The following GMDS variants were observed in gnomAD, a reference collection of about 807,000 sequenced individuals.
The protein encoded by GMDS is GDP-mannose 4,6 dehydratase.
GMDS carries 20 observed loss-of-function variants against 49.9 expected under a neutral mutation model. That is an observed-to-expected ratio of 0.40 (90% CI 0.28 to 0.58). The LOEUF (loss-of-function observed/expected upper bound fraction) is 0.58, where lower values mean the gene tolerates loss of function less well. Ranked by LOEUF, GMDS falls within the 20% of genes least tolerant of loss-of-function variation. The pLI, the probability that GMDS is intolerant of heterozygous loss-of-function variation, is 0.42. For missense variants in GMDS, 362 were observed against 481.4 expected, an observed-to-expected ratio of 0.75 and a Z score of 2.32; for synonymous variants, 177 against 178.6, an observed-to-expected ratio of 0.99 and a Z score of 0.07.
chr6:1,898,118 ATCCTGGACACCTACCCTGGCCT>A (rs1242639406), intron 7 of GMDS, among the ~76,000 whole-genome samples: 7,328 of 134,480 alleles, frequency 0.054, 588 homozygotes, highest in Admixed American at 0.065. Context: ...CTCCCTTGCC[ATCCTGGACACCTACCCTGGCCT>A]CCCTTGCCAT....
intron 7 of GMDS, among the ~76,000 whole-genome samples, chr6:1,889,113 A>G (rs1447918765): frequency 6.6e-6 from 1 of 152,164 alleles, no homozygotes; most frequent in Non-Finnish European, 1.5e-5. Context: ...GAATCCATGG[A>G]TGCGGAACGT....
At chr6:1,961,544 C>T (rs7743218) in intron 4 of GMDS, among the ~76,000 whole-genome samples, 4,645 of 152,196 alleles carry the variant, frequency 0.031, 236 homozygotes, top group African/African-American at 0.11. Flanking sequence ...ATATATGAAC[C>T]AATTTCTAAG....
chr6:1,983,689 T>C (rs1462299161), intron 4 of GMDS, among the ~76,000 whole-genome samples: 1 of 152,056 alleles, frequency 6.6e-6, no homozygotes, highest in African/African-American at 2.4e-5. Context: ...CTCATGCCAG[T>C]CCAAAAGGCT....
rs556406542 is a variant in GMDS at position 2,163,181 on chromosome 6, C to G, written c.103-38450G>C. Reference sequence around the variant, plus strand: ...GCCCAGGTGACAATAATAAACTGTCCTAACAGTGAACAGGGACTATAAAAA... The same window carrying G: ...GCCCAGGTGACAATAATAAACTGTCGTAACAGTGAACAGGGACTATAAAAA... On this transcript the variant is annotated intron_variant, in intron 1 of 10. Coordinates refer to ENST00000380815, the MANE Select transcript of GMDS (RefSeq NM_001500.4). Among the ~76,000 whole-genome samples, 5 of 152,216 alleles carry G rather than the reference C, an allele frequency of 3.3e-5. No homozygotes were observed. In the South Asian group the frequency reaches 1.0e-3, roughly 32 times the overall value.
intron 4 of GMDS, among the ~76,000 whole-genome samples, chr6:2,025,334 T>C (rs1437549766): frequency 2.0e-5 from 3 of 150,240 alleles, no homozygotes; most frequent in Non-Finnish European, 4.4e-5. Flanking sequence ...TCAAAACTAT[T>C]AGTTCTGTAA....
chr6:1,636,949 C>T (rs752487827), intron 9 of GMDS, among the ~76,000 whole-genome samples: 2 of 152,306 alleles, frequency 1.3e-5, no homozygotes, highest in African/African-American at 2.4e-5. Context: ...AGAACTCTAA[C>T]GGCCCCTCTC....
intron 8 of GMDS, among the ~76,000 whole-genome samples, chr6:1,739,776 G>T (rs1277449004): frequency 6.6e-6 from 1 of 152,196 alleles, no homozygotes; most frequent in African/African-American, 2.4e-5. Flanking sequence ...ACATCCCAGG[G>T]CACTGGAGCC....
At chr6:2,065,239 A>C (rs551897665) in intron 4 of GMDS, among the ~76,000 whole-genome samples, 674 of 148,734 alleles carry the variant, frequency 4.5e-3, no homozygotes, top group Middle Eastern at 0.01. Flanking sequence ...AAACTAACAA[A>C]CTGAAAGGAC....
chr6:2,046,161 C>A (rs1174335228), intron 4 of GMDS, among the ~76,000 whole-genome samples: 1 of 152,088 alleles, frequency 6.6e-6, no homozygotes, highest in Non-Finnish European at 1.5e-5. Flanking sequence ...TACAGTGAGC[C>A]AAGATCATGC....
Position 1,824,000 on chromosome 6 carries a change from G to A in GMDS, c.772-81414C>T, listed in dbSNP as rs151135318. ...TTCACACTCAGGCTGTTCTCATGAC[G>A]GGCCTCCTCCTAAGAACATCCCTTC... is the stretch of plus-strand genomic sequence containing the variant. On this transcript the variant is annotated intron_variant, in intron 7 of 10. Transcript: ENST00000380815. Among the ~76,000 whole-genome samples, 13 of 152,020 alleles carry A rather than the reference G, an allele frequency of 8.6e-5. 1 individual carries two copies. Among genetic ancestry groups the A allele is most frequent in the Admixed American group, 2.6e-4 (4 of 15,262 alleles).
intron 4 of GMDS, among the ~76,000 whole-genome samples, chr6:1,973,546 C>A (rs929228841): frequency 6.6e-6 from 1 of 151,980 alleles, no homozygotes; most frequent in Non-Finnish European, 1.5e-5. Context: ...ATGTTTGCTG[C>A]CAGTTACCAC....
chr6:1,971,019 G>A (rs1027790942), intron 4 of GMDS, among the ~76,000 whole-genome samples: 8 of 151,860 alleles, frequency 5.3e-5, no homozygotes, highest in African/African-American at 1.9e-4. Flanking sequence ...GGGAGTGGGG[G>A]TTTGGAAAGG....
At chr6:2,077,508 T>C (rs1379397877) in intron 4 of GMDS, among the ~76,000 whole-genome samples, 2 of 152,184 alleles carry the variant, frequency 1.3e-5, no homozygotes, top group African/African-American at 4.8e-5. Context: ...CTGAATTTTA[T>C]CAAATGCTTT....
At chr6:2,183,626 C>G (rs557780977) in intron 1 of GMDS, among the ~76,000 whole-genome samples, 4 of 152,286 alleles carry the variant, frequency 2.6e-5, no homozygotes, top group African/African-American at 9.6e-5. Context: ...AAGATTGATT[C>G]CCTTTTTTAA....
intron 9 of GMDS, among the ~76,000 whole-genome samples, chr6:1,701,838 T>C (rs1765553565): frequency 6.6e-6 from 1 of 152,200 alleles, no homozygotes; most frequent in South Asian, 2.1e-4. Flanking sequence ...ATTATTTCTG[T>C]TTACTGATGA....
At chr6:1,732,611 C>T (rs953059228) in intron 8 of GMDS, among the ~76,000 whole-genome samples, 8 of 152,148 alleles carry the variant, frequency 5.3e-5, no homozygotes, top group Admixed American at 5.2e-4. Context: ...AATTGTAATA[C>T]AGTACAATAG....
chr6:1,666,252 C>T (rs1367367814), intron 9 of GMDS, among the ~76,000 whole-genome samples: 2 of 152,190 alleles, frequency 1.3e-5, no homozygotes, highest in Admixed American at 1.3e-4. Flanking sequence ...GCATCCTCTC[C>T]CCTGCACCAC....
chr6:1,695,921 TTC>T (rs1337357521), intron 9 of GMDS, among the ~76,000 whole-genome samples: 1,502 of 135,582 alleles, frequency 0.011, 21 homozygotes, highest in African/African-American at 0.041. Context: ...TTTTTTTTTT[TTC>T]TTTTTTTTTT....
chr6:1,705,520 T>C (rs1765700590), intron 9 of GMDS, among the ~76,000 whole-genome samples: 1 of 152,224 alleles, frequency 6.6e-6, no homozygotes. Context: ...GCAAAATGTA[T>C]GAACAGTTAC....
Sources: gnomAD v4.1 joint callset for allele counts (sites outside exome capture counted in the v4.1 genomes callset) on GRCh38, gnomAD v4.1.1 for gene constraint, MANE v1.5 for transcripts, NCBI Gene and HGNC (gene_info 2026-07-23, HGNC 2026-07-21) for gene names.